LRP1: variants seen among roughly 807,000 people sequenced by gnomAD.
LRP1 encodes LDL receptor related protein 1, also known as prolow-density lipoprotein receptor-related protein 1.
A neutral mutation model predicts 541.5 loss-of-function variants in LRP1; 51 were observed. That is an observed-to-expected ratio of 0.09 (90% CI 0.08 to 0.12). LRP1 has a LOEUF of 0.12. Among genes scored for constraint, LRP1 ranks in the 10% least tolerant of loss-of-function variants. The pLI is 1.00. For synonymous variants in LRP1, 2,219 were observed against 2,470.8 expected (o/e 0.90, Z 3.02); for missense variants, 3,878 against 6,376.2 (o/e 0.61, Z 13.34).
chr12:57,152,129 C>T (rs2035537967), intron 6 of LRP1, among the ~76,000 whole-genome samples: 1 of 152,076 alleles, frequency 6.6e-6, no homozygotes, highest in African/African-American at 2.4e-5. Context: ...CATCCTGAGG[C>T]TGGGGGGGCT....
Position 57,154,443 on chromosome 12 carries a change from A to G in LRP1, c.1005-36A>G, listed in dbSNP as rs772955912. ...GCTACAGTGGTAAGGAGGGTGCCCA[A>G]TGTCCAGACCCCATTTAACATGCAT... is the stretch of plus-strand genomic sequence containing the variant. On this transcript the variant is annotated intron_variant, in intron 7 of 88. Transcript: ENST00000243077. This position sits in a 1 kb window ranked among gnomAD's most constrained non-coding sequence, Gnocchi z 4.6. 5.6e-6 allele frequency: 9 copies of G among 1,607,464 alleles called. No individual in the cohort carries two copies. Among genetic ancestry groups the G allele is most frequent in the African/African-American group, 2.7e-5 (2 of 74,816 alleles).
At position 57,197,140 on chromosome 12, in the gene LRP1, C is replaced by A. The variant is rs1006734855; in HGVS notation, c.9051C>A (p.Asp3017Glu). ...AGGGCTATGCACCCCGCGGCGGCGA[C>A]CCCCACAGCTGCAAGGCTGTGACTG... ...CVEGYAPRGGDPHSCKAVTDE... is the reference protein window; with the variant it reads ...CVEGYAPRGGEPHSCKAVTDE... Residue 3017 changes from aspartate to glutamate, a missense_variant, in exon 56 of 89, where the codon GAC (aspartate) becomes GAA (glutamate). Transcript: ENST00000243077. This position sits in a 1 kb window ranked among gnomAD's most constrained non-coding sequence, Gnocchi z 4.5. 4 of 1,613,950 alleles carry A rather than the reference C, an allele frequency of 2.5e-6. No homozygotes were observed. Among genetic ancestry groups the A allele is most frequent in the Admixed American group, 1.7e-5 (1 of 60,020 alleles).
intron 41 of LRP1, among the ~76,000 whole-genome samples, chr12:57,186,219 A>T (rs1045808782): frequency 1.3e-5 from 2 of 152,134 alleles, no homozygotes; most frequent in African/African-American, 4.8e-5. Flanking sequence ...TTGGGCTTTC[A>T]ATAACTTGGG....
At chr12:57,172,439 G>C (rs1342691423) in intron 20 of LRP1, among the ~76,000 whole-genome samples, 2 of 152,196 alleles carry the variant, frequency 1.3e-5, no homozygotes, top group Non-Finnish European at 2.9e-5. Flanking sequence ...AAAGTGCTGG[G>C]ATTACAGGCG....
intron 19 of LRP1, chr12:57,168,059 G>A (rs1463353131): frequency 4.5e-5 from 7 of 155,614 alleles, no homozygotes; most frequent in Admixed American, 2.6e-4. Context: ...GTGTTGTGAC[G>A]TGCTGCCCCA....
rs2136748059 is a variant in LRP1 at position 57,205,298 on chromosome 12, A to C, written c.11335+49A>C. 7 of 1,593,988 alleles carry C rather than the reference A, an allele frequency of 4.4e-6. No homozygotes were observed. The highest frequency in any genetic ancestry group is 6.0e-6 in the Non-Finnish European group (7 of 1,167,220). On this transcript the variant is annotated intron_variant, in intron 73 of 88. Transcript: ENST00000243077. This position sits in a 1 kb window ranked among gnomAD's most constrained non-coding sequence, Gnocchi z 4.6. ...CGCTGGTGGGGAGTGGGGAGAGCCA[A>C]GCCCTGGCCTGGGGTGGCTCAAGGG...
In LRP1 at chr12:57,202,299, G is replaced by A. The variant is rs537701965; in HGVS notation, c.10595-122G>A. The stretch of plus-strand genomic sequence containing the variant: ...TCAAAACACCGCCTGGGCTCCCCGC[G>A]GCTGACCCTTCCCAAGCTGGGATGC... On this transcript the variant is annotated intron_variant, in intron 67 of 88. Coordinates refer to ENST00000243077, the MANE Select transcript of LRP1 (RefSeq NM_002332.3). 104 of 789,436 alleles carry A rather than the reference G, an allele frequency of 1.3e-4. 1 individual carries two copies. In the Admixed American group the frequency reaches 1.6e-3, roughly 12 times the overall value. The allele number at this position is 789,436 out of a possible 1,614,324, so 48.9% of individuals were successfully genotyped here. A position where few individuals can be genotyped will look rare whatever the true frequency, so the allele number is the denominator to read the frequency against.
Position 57,173,153 on chromosome 12 carries a change from A to G in LRP1, c.3164-15A>G. 1 of 1,591,956 alleles carries G rather than the reference A, an allele frequency of 6.3e-7. No homozygotes were observed. Among genetic ancestry groups the G allele is most frequent in the East Asian group, 2.2e-5 (1 of 44,556 alleles). On this transcript the variant is annotated splice_polypyrimidine_tract_variant and intron_variant, in intron 20 of 88. Transcript: ENST00000243077. This position sits in a 1 kb window ranked among gnomAD's most constrained non-coding sequence, Gnocchi z 4.7. ...CAACCCCTCCCTCCTGAGGCCCTCC[A>G]CTGTCCCTCTGCAGCCACGAGGCCC...
chr12:57,199,740 C>A, intron 61 of LRP1, 137 bp from the exon 62 acceptor site: 1 of 1,076,922 alleles, frequency 9.3e-7, no homozygotes, highest in Non-Finnish European at 1.3e-6. Context: ...TTAGAATCCT[C>A]TCCTATCTCC....
intron 20 of LRP1, among the ~76,000 whole-genome samples, chr12:57,169,540 G>T (rs2035904835): frequency 6.6e-6 from 1 of 152,210 alleles, no homozygotes; most frequent in Non-Finnish European, 1.5e-5. Context: ...TGGTGGCCTT[G>T]GGTTTGAGCT....
intron 17 of LRP1, 61 bp from the exon 18 acceptor site, chr12:57,166,869 A>G: frequency 1.2e-6 from 1 of 853,870 alleles, no homozygotes; most frequent in Non-Finnish European, 2.0e-6. Context: ...ATAATAGGGA[A>G]GAAGAGGCAG....
In LRP1 at chr12:57,211,953, C is replaced by T. The variant is rs374728435; in HGVS notation, c.13285C>T (p.Leu4429=). 3.1e-6 allele frequency: 5 copies of T among 1,614,062 alleles called. No individual in the cohort carries two copies. Among genetic ancestry groups the T allele is most frequent in the Non-Finnish European group, 4.2e-6 (5 of 1,180,040 alleles). Residue 4429 remains leucine (L), a synonymous_variant, in exon 87 of 89, where the codon CTG becomes TTG. Transcript: ENST00000243077. This position sits in a 1 kb window ranked among gnomAD's most constrained non-coding sequence, Gnocchi z 4.3. ...GHIASILIPL[L]LLLLLVLVAG... The stretch of plus-strand genomic sequence containing the variant: ...TATAGCCTCCATCCTAATCCCTCTG[C>T]TGTTGCTGCTGCTGCTGGTTCTGGT...
intron 16 of LRP1, 64 bp downstream of exon 16, chr12:57,166,009 A>C (rs2035830935): frequency 8.7e-6 from 14 of 1,612,542 alleles, no homozygotes; most frequent in African/African-American, 2.7e-5. Flanking sequence ...CGGCTCTGGC[A>C]GTGCCTATAC....
At position 57,201,581 on chromosome 12, in the gene LRP1, A is replaced by G. The variant is rs757395607; in HGVS notation, c.10430A>G (p.Asn3477Ser). ...CGGGTCTGGGTCTGCGACCGGGACAATGACTGTGTGGATGGCAGTGATGAG... is the reference window on the plus strand; with the variant it reads ...CGGGTCTGGGTCTGCGACCGGGACAGTGACTGTGTGGATGGCAGTGATGAG... ...IPRVWVCDRD[N>S]DCVDGSDEPA... is the part of the protein sequence containing the mutation. Residue 3477 changes from asparagine to serine, a missense_variant, in exon 66 of 89, where the codon AAT (asparagine) becomes AGT (serine). Physicochemically the swap from Asn to Ser is conservative, Grantham distance 46. This residue lies in a region of LRP1 where 278 missense variants were observed against 536.3 expected (regional missense o/e 0.52). Transcript: ENST00000243077. The surrounding 1 kb of genome is among the most constrained non-coding windows in gnomAD (Gnocchi z 6.4). 6.8e-6 allele frequency: 11 copies of G among 1,614,032 alleles called. No individual in the cohort carries two copies. The highest frequency in any genetic ancestry group is 9.3e-6 in the Non-Finnish European group (11 of 1,179,970).
In LRP1 at chr12:57,205,887, C is replaced by T. The variant is rs928646315; in HGVS notation, c.11590+210C>T. The T allele has an allele frequency of 1.2e-5, 8 of 683,564 alleles. No homozygotes were observed. The highest frequency in any genetic ancestry group is 1.9e-5 in the Non-Finnish European group (8 of 415,256). The allele number at this position is 683,564 out of a possible 1,614,324, so 42.3% of individuals were successfully genotyped here. On this transcript the variant is annotated intron_variant, in intron 75 of 88. Transcript: ENST00000243077. The surrounding 1 kb of genome is among the most constrained non-coding windows in gnomAD (Gnocchi z 4.6). ...CTGACTGAAGGAGTCTGGGGTGTGG[C>T]AGTGCTCTGAATTGCACACACACCT... is the stretch of plus-strand genomic sequence containing the variant.
chr12:57,140,019 A>ATGTGTGAG (rs2035254679), intron 2 of LRP1, among the ~76,000 whole-genome samples: 1 of 152,242 alleles, frequency 6.6e-6, no homozygotes, highest in African/African-American at 2.4e-5. Context: ...CTTGGGGGCC[A>ATGTGTGAG]ATAGACAGTG....
chr12:57,161,022 G>A lies in LRP1; in HGVS notation c.2109G>A (p.Gly703=). The A allele has an allele frequency of 6.2e-7, 1 of 1,613,998 alleles. No homozygotes were observed. The highest frequency in any genetic ancestry group is 8.5e-7 in the Non-Finnish European group (1 of 1,180,042). Residue 703 remains glycine (G), a synonymous_variant, in exon 13 of 89, where the codon GGG becomes GGA. Transcript: ENST00000243077. ...CCAAGACAGTGCTTTGGCCCAATGG[G>A]CTAAGCCTGGACATCCCGGCTGGGC... is the stretch of plus-strand genomic sequence containing the variant. ...VTSKTVLWPN[G]LSLDIPAGRL... is the part of the protein sequence containing the mutation.
chr12:57,185,646 G>A lies in LRP1; in HGVS notation c.6579G>A (p.Ser2193=), dbSNP rs751801111. Residue 2193 remains serine, a synonymous_variant, in exon 41 of 89, where the codon TCG becomes TCA. Transcript: ENST00000243077. The surrounding 1 kb of genome is among the most constrained non-coding windows in gnomAD (Gnocchi z 4.9). ...AHGMLAEDGA[S]CREYAGYLLY... Reference sequence around the variant, plus strand: ...GGATGCTGGCTGAAGACGGAGCATCGTGCCGCGAGTATGCCGGCTACCTGC... The same window carrying A: ...GGATGCTGGCTGAAGACGGAGCATCATGCCGCGAGTATGCCGGCTACCTGC... The A allele has an allele frequency of 3.7e-5, 59 of 1,612,612 alleles. No homozygotes were observed. The South Asian group carries it at 5.6e-4, about 15-fold the overall frequency.
At chr12:57,139,990 C>G (rs2035253381) in intron 2 of LRP1, among the ~76,000 whole-genome samples, 1 of 152,260 alleles carries the variant, frequency 6.6e-6, no homozygotes, top group African/African-American at 2.4e-5. Context: ...GACACTGTCA[C>G]TCACACACCG....
Sources: gnomAD v4.1 joint callset for allele counts (sites outside exome capture counted in the v4.1 genomes callset) on GRCh38, gnomAD v4.1.1 for gene constraint, gnomAD v4.1.1 regional missense constraint, Gnocchi (gnomAD v3.1) non-coding constraint, MANE v1.5 for transcripts, NCBI Gene and HGNC (gene_info 2026-07-23, HGNC 2026-07-21) for gene names.